Variants in POLA1 observed in about 807,000 individuals in gnomAD.
POLA1 encodes DNA polymerase alpha 1, catalytic subunit, also known as DNA polymerase alpha catalytic subunit.
Under a neutral mutation model 124.0 loss-of-function variants are expected in POLA1, and 15 were observed. The ratio of observed to expected loss-of-function variants is 0.12; its 90% CI spans 0.08 to 0.19. The LOEUF is 0.19. Among genes scored for constraint, POLA1 ranks in the 10% least tolerant of loss-of-function variants. The probability of loss-of-function intolerance (pLI) is 1.00; values close to 1 mark genes in which losing one functional copy is unlikely to be tolerated. For synonymous variants in POLA1, 408 were observed against 389.4 expected (o/e 1.05, Z -0.56); for missense variants, 886 against 1,103.4 (o/e 0.80, Z 2.79).
intron 32 of POLA1, among the ~76,000 whole-genome samples, chrX:24,831,032 A>G (rs1305973788): frequency 8.9e-6 from 1 of 112,077 alleles, no homozygotes; most frequent in Non-Finnish European, 1.9e-5. Flanking sequence ...AATACTGCTT[A>G]AAAGAAGACA....
At chrX:24,868,861 C>T (rs1405148867) in intron 34 of POLA1, among the ~76,000 whole-genome samples, 1 of 111,867 alleles carries the variant, frequency 8.9e-6, no homozygotes, top group Non-Finnish European at 1.9e-5. Context: ...TTTAAACATT[C>T]CTGAAAGAAG....
intron 20 of POLA1, among the ~76,000 whole-genome samples, 162 bp from the exon 21 acceptor site, chrX:24,741,213 A>G (rs1931635937): frequency 9.2e-6 from 1 of 109,268 alleles, no homozygotes; most frequent in African/African-American, 3.3e-5. Flanking sequence ...ATGAATTCCT[A>G]GTTACATACT....
intron 14 of POLA1, among the ~76,000 whole-genome samples, chrX:24,727,325 G>C (rs11573347): frequency 0.048 from 5,318 of 110,948 alleles, 148 homozygotes; most frequent in Non-Finnish European, 0.075. Flanking sequence ...ATGTACTTCT[G>C]ACCTGGCTGA....
intron 26 of POLA1, among the ~76,000 whole-genome samples, chrX:24,754,506 G>C (rs1243430461): frequency 9.0e-6 from 1 of 111,062 alleles, no homozygotes; most frequent in Admixed American, 9.5e-5. Flanking sequence ...CGCCCACTTC[G>C]GCCTCCCAAA....
At chrX:24,818,469 C>A (rs185902963) in intron 30 of POLA1, among the ~76,000 whole-genome samples, 1 of 111,429 alleles carries the variant, frequency 9.0e-6, no homozygotes, top group East Asian at 2.8e-4. Context: ...AGGCACTCTG[C>A]TACCCTGAGT....
intron 34 of POLA1, among the ~76,000 whole-genome samples, chrX:24,851,483 C>T (rs1323005908): frequency 2.7e-5 from 3 of 113,041 alleles, no homozygotes; most frequent in African/African-American, 6.4e-5. Flanking sequence ...CTTCGCTATT[C>T]GCATTACAAG....
chrX:24,707,078 G>T (rs1331422903), intron 4 of POLA1, among the ~76,000 whole-genome samples: 1 of 111,985 alleles, frequency 8.9e-6, no homozygotes, highest in Admixed American at 9.5e-5. Context: ...TTCTACACTG[G>T]TACCATTTGG....
At chrX:24,918,822 G>T (rs1359517966) in intron 35 of POLA1, among the ~76,000 whole-genome samples, 3 of 108,273 alleles carry the variant, frequency 2.8e-5, no homozygotes, top group Non-Finnish European at 5.8e-5. Context: ...GGTGAGAGAA[G>T]AAGTGAGAGA....
chrX:24,835,502 A>T (rs983398918), intron 32 of POLA1, among the ~76,000 whole-genome samples: 1 of 111,608 alleles, frequency 9.0e-6, no homozygotes, highest in Non-Finnish European at 1.9e-5. Context: ...CACTTTTTTT[A>T]AAAAGCTCCT....
At chrX:24,934,452 T>C (rs1442640963) in intron 36 of POLA1, among the ~76,000 whole-genome samples, 1 of 111,795 alleles carries the variant, frequency 8.9e-6, no homozygotes, top group Non-Finnish European at 1.9e-5. Context: ...GTGAAATTAT[T>C]TTGGAAGCAA....
At position 24,717,706 on chromosome X, in the gene POLA1, A is replaced by T. The variant is rs1221677180; in HGVS notation, c.1035A>T (p.Gln345His). 1 of 1,208,878 alleles carries T rather than the reference A, an allele frequency of 8.3e-7. No homozygotes were observed. Among genetic ancestry groups the T allele is most frequent in the East Asian group, 3.0e-5 (1 of 33,836 alleles). The change falls in exon 10 of 37, where the codon CAA (glutamine) becomes CAT (histidine). Residue 345 changes from glutamine to histidine, a missense_variant. Physicochemically the swap from Gln to His is conservative, Grantham distance 24. Transcript: ENST00000379068. Reference sequence around the variant, plus strand: ...TGGTAAAAGGGGCAGATGAGGAACAAGTATTCCACTTTTATTGGTTGGATG... The same window carrying T: ...TGGTAAAAGGGGCAGATGAGGAACATGTATTCCACTTTTATTGGTTGGATG... ...LPLVKGADEE[Q>H]VFHFYWLDAY... is the part of the protein sequence containing the mutation.
intron 18 of POLA1, among the ~76,000 whole-genome samples, chrX:24,736,596 G>C (rs1439187385): frequency 8.9e-6 from 1 of 111,960 alleles, no homozygotes; most frequent in Non-Finnish European, 1.9e-5. Context: ...TTGTAAGTGA[G>C]ACTTCCTCAA....
intron 34 of POLA1, among the ~76,000 whole-genome samples, chrX:24,879,506 A>G (rs998474563): frequency 8.9e-6 from 1 of 112,189 alleles, no homozygotes; most frequent in Non-Finnish European, 1.9e-5. Context: ...GTGGCTAGAA[A>G]ATCTTGTATT....
At position 24,937,325 on chromosome X, in the gene POLA1, A is replaced by T. The variant is rs2047862603; in HGVS notation, c.4261+6776A>T. 2.7e-5 allele frequency among the ~76,000 whole-genome samples: 3 copies of T among 111,952 alleles called. No individual in the cohort carries two copies. The South Asian group carries it at 1.1e-3, about 42-fold the overall frequency. ...AACTTATGATTCTAATTTGTGGTGT[A>T]TATGCAAGGTAGAAAAATTAGTAAG... On this transcript the variant is annotated intron_variant, in intron 36 of 36. Transcript: ENST00000379068.
intron 34 of POLA1, among the ~76,000 whole-genome samples, chrX:24,846,740 T>C: frequency 8.9e-6 from 1 of 111,837 alleles, no homozygotes. Context: ...AATTTCATCA[T>C]CTTGTCAGCT....
chrX:24,729,494 T>C (rs1173734365), intron 15 of POLA1, among the ~76,000 whole-genome samples: 3 of 112,154 alleles, frequency 2.7e-5, no homozygotes, highest in Non-Finnish European at 5.6e-5. Flanking sequence ...ATTCTGTCCA[T>C]GGTTTTTAAA....
At chrX:24,966,839 C>A (rs1188143018) in intron 36 of POLA1, among the ~76,000 whole-genome samples, 2 of 112,025 alleles carry the variant, frequency 1.8e-5, no homozygotes, top group African/African-American at 3.2e-5. Context: ...GCATGCTGCA[C>A]ACTGTAATAA....
At chrX:24,791,204 A>G (rs1285136472) in intron 26 of POLA1, among the ~76,000 whole-genome samples, 1 of 110,320 alleles carries the variant, frequency 9.1e-6, no homozygotes, top group East Asian at 2.9e-4. Flanking sequence ...GTCAACTATA[A>G]ATTCCGGAAG....
Position 24,725,961 on chromosome X carries a change from T to A in POLA1, c.1318-20T>A, listed in dbSNP as rs1325063045. ...TGAAGTTTTTGTCTTAAGGATTTTT[T>A]AAAATATCTACTTACCCAGCCAGTG... On this transcript the variant is annotated intron_variant, in intron 12 of 36. Coordinates refer to ENST00000379068, the MANE Select transcript of POLA1 (RefSeq NM_001330360.2). The A allele has an allele frequency of 4.6e-6, 5 of 1,080,884 alleles. No homozygotes were observed. The highest frequency in any genetic ancestry group is 6.3e-6 in the Non-Finnish European group (5 of 787,807). The allele number at this position is 1,080,884 out of a possible 1,213,427, so 89.1% of individuals were successfully genotyped here. A position where few individuals can be genotyped will look rare whatever the true frequency, so the allele number is the denominator to read the frequency against.
Sources: allele counts gnomAD v4.1 joint callset (sites outside exome capture counted in the v4.1 genomes callset), GRCh38; gene constraint gnomAD v4.1.1; transcripts MANE v1.5; gene names NCBI Gene and HGNC (gene_info 2026-07-23, HGNC 2026-07-21).